CTNNA3: variants seen among roughly 807,000 people sequenced by gnomAD.
CTNNA3 encodes the protein catenin alpha 3.
Under a neutral mutation model 95.7 loss-of-function variants are expected in CTNNA3, and 76 were observed. That is an observed-to-expected ratio of 0.79 (90% confidence interval 0.66 to 0.96). The LOEUF is 0.96. Among genes scored for constraint, CTNNA3 ranks in the 40% least tolerant of loss-of-function variants. CTNNA3 has a pLI of 0.00. For missense variants in CTNNA3, 1,191 were observed against 1,089.8 expected, an observed-to-expected ratio of 1.09 and a Z score of -1.31; for synonymous variants, 431 against 374.4, an observed-to-expected ratio of 1.15 and a Z score of -1.74.
At chr10:66,605,856 T>G (rs914726216) in intron 10 of CTNNA3, among the ~76,000 whole-genome samples, 1 of 152,138 alleles carries the variant, frequency 6.6e-6, no homozygotes, top group African/African-American at 2.4e-5. Context: ...AACACACTTT[T>G]AAATATACAG....
chr10:66,036,290 A>G (rs528855865), intron 15 of CTNNA3, among the ~76,000 whole-genome samples: 7 of 152,342 alleles, frequency 4.6e-5, no homozygotes, highest in Admixed American at 3.9e-4. Flanking sequence ...CTCAAATGCT[A>G]TACTTTGACA....
At chr10:67,615,415 TA>T (rs1056507529) in intron 2 of CTNNA3, among the ~76,000 whole-genome samples, 2 of 152,182 alleles carry the variant, frequency 1.3e-5, no homozygotes, top group Non-Finnish European at 2.9e-5. Context: ...AATATAAAGC[TA>T]AACACAACTA....
At position 67,482,271 on chromosome 10, in the gene CTNNA3, T is replaced by C. The variant is rs540746148; in HGVS notation, c.579+39571A>G. 7.5e-4 allele frequency among the ~76,000 whole-genome samples: 114 copies of C among 152,144 alleles called. 1 individual carries two copies. Among genetic ancestry groups the C allele is most frequent in the Admixed American group, 2.4e-3 (37 of 15,276 alleles). On this transcript the variant is annotated intron_variant, in intron 5 of 17. Coordinates refer to ENST00000433211, the MANE Select transcript of CTNNA3 (RefSeq NM_013266.4). ...CCATATGAACTTTAAAGTAGTTTTTTCCAATTCTGTGAAGAAAGTCATTGG... is the reference window on the plus strand; with the variant it reads ...CCATATGAACTTTAAAGTAGTTTTTCCCAATTCTGTGAAGAAAGTCATTGG...
At chr10:66,951,833 G>A (rs1021152207) in intron 7 of CTNNA3, among the ~76,000 whole-genome samples, 4 of 152,108 alleles carry the variant, frequency 2.6e-5, no homozygotes, top group Non-Finnish European at 4.4e-5. Context: ...ACAGAGATAG[G>A]CTCATCTCAC....
chr10:66,000,723 A>C (rs1210281563), intron 15 of CTNNA3, among the ~76,000 whole-genome samples: 1 of 152,296 alleles, frequency 6.6e-6, no homozygotes, highest in South Asian at 2.1e-4. Context: ...TTTGCCAGAC[A>C]CTATACTATA....
intron 15 of CTNNA3, among the ~76,000 whole-genome samples, chr10:66,003,294 C>A (rs1476406148): frequency 6.6e-6 from 1 of 151,430 alleles, no homozygotes; most frequent in Admixed American, 6.6e-5. Flanking sequence ...ATTACTATTG[C>A]CATTGCTGCT....
At chr10:67,325,511 T>C in intron 5 of CTNNA3, among the ~76,000 whole-genome samples, 1 of 151,892 alleles carries the variant, frequency 6.6e-6, no homozygotes, top group African/African-American at 2.4e-5. Flanking sequence ...ATTTAGGAGG[T>C]TATTCAATTC....
In CTNNA3 at chr10:66,927,275, G is replaced by T; in HGVS notation, c.1048-151751C>A. The stretch of plus-strand genomic sequence containing the variant: ...AAAGAGCTGATTCTTAGTTCCAATA[G>T]AATCTCCTATTTTCTTAACAATACC... On this transcript the variant is annotated intron_variant, in intron 7 of 17. Transcript: ENST00000433211. This position sits in a 1 kb window ranked among gnomAD's most constrained non-coding sequence, Gnocchi z 4.7. 6.2e-7 allele frequency: 1 copy of T among 1,614,068 alleles called. No individual in the cohort carries two copies. The highest frequency in any genetic ancestry group is 8.5e-7 in the Non-Finnish European group (1 of 1,180,030).
intron 7 of CTNNA3, among the ~76,000 whole-genome samples, chr10:67,148,930 T>C (rs1283503015): frequency 1.3e-5 from 2 of 152,194 alleles, no homozygotes; most frequent in African/African-American, 4.8e-5. Flanking sequence ...CTTCAGCATA[T>C]TAAATAATGA....
chr10:66,634,572 G>GGTGTGTGT (rs59187647), intron 9 of CTNNA3, among the ~76,000 whole-genome samples: 8,148 of 146,076 alleles, frequency 0.056, 500 homozygotes, highest in African/African-American at 0.13. Context: ...CTCTGTGCAT[G>GGTGTGTGT]GTGTGTGTGT....
At chr10:67,530,731 T>C (rs6480268) in intron 4 of CTNNA3, among the ~76,000 whole-genome samples, 8,764 of 152,224 alleles carry the variant, frequency 0.058, 270 homozygotes, top group South Asian at 0.14. Flanking sequence ...CAAATATTAA[T>C]CCCCAAGACA....
At chr10:66,127,561 C>G (rs1389605224) in intron 13 of CTNNA3, among the ~76,000 whole-genome samples, 1 of 151,976 alleles carries the variant, frequency 6.6e-6, no homozygotes, top group Non-Finnish European at 1.5e-5. Context: ...AGAACTGTCA[C>G]AGCCAAGAAA....
intron 8 of CTNNA3, among the ~76,000 whole-genome samples, chr10:66,774,632 C>A (rs777838933): frequency 2.6e-5 from 4 of 152,098 alleles, no homozygotes; most frequent in Non-Finnish European, 5.9e-5. Flanking sequence ...TAAATCTTGC[C>A]ATTAAACTAC....
chr10:66,331,342 GTTTTTT>G (rs60709020), intron 12 of CTNNA3, among the ~76,000 whole-genome samples: 14,361 of 79,900 alleles, frequency 0.18, 2,120 homozygotes, highest in South Asian at 0.32. Context: ...CCCATTGTTT[GTTTTTT>G]TTTTTTTTTT....
chr10:67,757,011 C>T (rs1303593564), intron 1 of CTNNA3, among the ~76,000 whole-genome samples: 1 of 151,938 alleles, frequency 6.6e-6, no homozygotes, highest in Non-Finnish European at 1.5e-5. Context: ...GTTTTCACAA[C>T]AAAAAAAGAT....
chr10:67,373,475 C>T (rs964484251), intron 5 of CTNNA3, among the ~76,000 whole-genome samples: 3 of 152,296 alleles, frequency 2.0e-5, no homozygotes, highest in Non-Finnish European at 2.9e-5. Context: ...ATTCATAAAG[C>T]AAGTCCTTGG....
intron 1 of CTNNA3, among the ~76,000 whole-genome samples, chr10:67,694,028 T>C (rs1840917058): frequency 1.3e-5 from 2 of 152,230 alleles, no homozygotes; most frequent in African/African-American, 2.4e-5. Context: ...TCACAATAAG[T>C]AAAGAATTTA....
At chr10:67,756,401 C>A (rs1245324257) in intron 1 of CTNNA3, among the ~76,000 whole-genome samples, 1 of 151,964 alleles carries the variant, frequency 6.6e-6, no homozygotes, top group Non-Finnish European at 1.5e-5. Flanking sequence ...TTAATATTTA[C>A]AAATCATGTA....
intron 7 of CTNNA3, among the ~76,000 whole-genome samples, chr10:66,995,109 C>T (rs996133720): frequency 2.6e-5 from 4 of 152,164 alleles, no homozygotes; most frequent in African/African-American, 9.7e-5. Context: ...TCCAATTCCT[C>T]TGAGGTGTCA....
Sources: gnomAD v4.1 joint callset for allele counts (sites outside exome capture counted in the v4.1 genomes callset) on GRCh38, gnomAD v4.1.1 for gene constraint, Gnocchi (gnomAD v3.1) non-coding constraint, MANE v1.5 for transcripts, NCBI Gene and HGNC (gene_info 2026-07-23, HGNC 2026-07-21) for gene names.